Variants in CRYL1 observed in about 807,000 individuals in gnomAD.
The protein encoded by CRYL1 is crystallin lambda 1.
Under a neutral mutation model 36.6 loss-of-function variants are expected in CRYL1, and 29 were observed. The observed-to-expected ratio is 0.79, with a 90% CI of 0.59 to 1.08. The LOEUF (loss-of-function observed/expected upper bound fraction) is 1.08. CRYL1 is among the 50% of genes least tolerant of loss of function. CRYL1 has a pLI of 0.00. For synonymous variants in CRYL1, 152 were observed against 151.5 expected (o/e 1.00, Z -0.02); for missense variants, 411 against 407.9 (o/e 1.01, Z -0.06).
intron 3 of CRYL1, among the ~76,000 whole-genome samples, chr13:20,466,416 T>C (rs1336698005): frequency 6.6e-6 from 1 of 152,224 alleles, no homozygotes; most frequent in Admixed American, 6.5e-5. Flanking sequence ...GCATCTAAAA[T>C]TTTTAAAGAG....
At position 20,414,255 on chromosome 13, in the gene CRYL1, T is replaced by TTG. The variant is rs748950328; in HGVS notation, c.634-870_634-869dup. Among the ~76,000 whole-genome samples, 3,599 of 151,268 alleles carry TTG rather than the reference T, an allele frequency of 0.024. 158 individuals are homozygous for TTG. The highest frequency in any genetic ancestry group is 0.082 in the African/African-American group (3,341 of 40,842). On this transcript the variant is annotated intron_variant, in intron 5 of 7. Transcript: ENST00000298248. ...TATGTATACACTAAAAAGAGATTTT[T>TTG]TGTGTGTGTGTGTGTGTGTGTGAAA... is the stretch of plus-strand genomic sequence containing the variant.
chr13:20,445,580 C>T (rs1195265463), intron 3 of CRYL1, among the ~76,000 whole-genome samples: 1 of 152,132 alleles, frequency 6.6e-6, no homozygotes, highest in African/African-American at 2.4e-5. Flanking sequence ...TTTTCATAAG[C>T]AATGTCTCAT....
At chr13:20,484,378 G>C (rs1054166274) in intron 3 of CRYL1, among the ~76,000 whole-genome samples, 6 of 152,182 alleles carry the variant, frequency 3.9e-5, no homozygotes, top group African/African-American at 1.4e-4. Context: ...GGAATTCTTA[G>C]ACGGAAGCTT....
In CRYL1 at chr13:20,435,956, G is replaced by C. The variant is rs981671273; in HGVS notation, c.438+3637C>G. ...TCTCGGCGGCGCGCTCGCAGGGAGG[G>C]CTCAAAGGCAGCTCGGAGCGGCCGC... On this transcript the variant is annotated intron_variant, in intron 4 of 7. Transcript: ENST00000298248. This position sits in a 1 kb window ranked among gnomAD's most constrained non-coding sequence, Gnocchi z 4.0. 6.6e-6 allele frequency among the ~76,000 whole-genome samples: 1 copy of C among 152,236 alleles called. No individual in the cohort carries two copies. The highest frequency in any genetic ancestry group is 2.4e-5 in the African/African-American group (1 of 41,478).
Position 20,520,172 on chromosome 13 carries a change from A to G in CRYL1, c.41+5582T>C, listed in dbSNP as rs1412382700. Among the ~76,000 whole-genome samples the G allele has an allele frequency of 2.0e-5, 3 of 152,218 alleles. No individual in the cohort carries two copies. In the East Asian group the frequency reaches 5.8e-4, roughly 29 times the overall value. ...ACAGTTTGAAATGTTTCCCTAACAC[A>G]AAGTTAAGAGAGAGAATATGGATAG... On this transcript the variant is annotated intron_variant, in intron 1 of 7. Transcript: ENST00000298248.
Position 20,404,097 on chromosome 13 carries a change from A to G in CRYL1, c.*32T>C. Reference sequence around the variant, plus strand: ...GCAGTGTTCCCAAATAGGGCCTCCAATGAGAGGAGTGGAAGCTGCATTACA... The same window carrying G: ...GCAGTGTTCCCAAATAGGGCCTCCAGTGAGAGGAGTGGAAGCTGCATTACA... On this transcript the variant is annotated 3_prime_UTR_variant, in exon 8 of 8. Transcript: ENST00000298248. 2.0e-6 allele frequency: 3 copies of G among 1,469,346 alleles called. No individual in the cohort carries two copies. Among genetic ancestry groups the G allele is most frequent in the Non-Finnish European group, 2.9e-6 (3 of 1,048,090 alleles). The allele number at this position is 1,469,346 out of a possible 1,614,324, so 91.0% of individuals were successfully genotyped here.
chr13:20,497,648 T>C (rs2033635502), intron 2 of CRYL1, among the ~76,000 whole-genome samples: 1 of 141,560 alleles, frequency 7.1e-6, no homozygotes, highest in African/African-American at 2.7e-5. Flanking sequence ...CACCACCACA[T>C]ACACACACTA....
At chr13:20,424,704 C>A (rs1332589860) in intron 5 of CRYL1, among the ~76,000 whole-genome samples, 1 of 152,190 alleles carries the variant, frequency 6.6e-6, no homozygotes, top group East Asian at 1.9e-4. Flanking sequence ...ATTCCCCCAA[C>A]CCCCTGCAGA....
intron 3 of CRYL1, among the ~76,000 whole-genome samples, chr13:20,450,821 T>C (rs1326758981): frequency 6.6e-6 from 1 of 152,020 alleles, no homozygotes; most frequent in Non-Finnish European, 1.5e-5. Flanking sequence ...CAAATGTCCA[T>C]CAAGGATAGA....
intron 4 of CRYL1, among the ~76,000 whole-genome samples, chr13:20,436,138 G>A (rs2032210600): frequency 6.6e-6 from 1 of 152,176 alleles, no homozygotes; most frequent in Non-Finnish European, 1.5e-5. Context: ...AGGGGCGGGG[G>A]AGCGGGCTAA....
At chr13:20,496,650 C>T (rs890113873) in intron 2 of CRYL1, among the ~76,000 whole-genome samples, 1 of 147,452 alleles carries the variant, frequency 6.8e-6, no homozygotes. Flanking sequence ...GTGGCTTACA[C>T]CCATAATCCC....
At chr13:20,455,685 A>T (rs981179376) in intron 3 of CRYL1, among the ~76,000 whole-genome samples, 1 of 152,246 alleles carries the variant, frequency 6.6e-6, no homozygotes, top group African/African-American at 2.4e-5. Flanking sequence ...AACTTGATGT[A>T]CTGATTCACT....
chr13:20,508,884 A>AC (rs1174757777), intron 2 of CRYL1, among the ~76,000 whole-genome samples: 6 of 138,036 alleles, frequency 4.3e-5, no homozygotes, highest in African/African-American at 1.6e-4. Flanking sequence ...AACAAAAAAA[A>AC]AAAACTGACA....
chr13:20,508,670 C>A (rs999891072), intron 2 of CRYL1, among the ~76,000 whole-genome samples: 32 of 151,224 alleles, frequency 2.1e-4, no homozygotes, highest in Non-Finnish European at 4.7e-4. Flanking sequence ...CACAGTGAAA[C>A]CCCGTCTCTG....
chr13:20,449,753 T>C (rs890751659), intron 3 of CRYL1, among the ~76,000 whole-genome samples: 1 of 152,154 alleles, frequency 6.6e-6, no homozygotes, highest in Non-Finnish European at 1.5e-5. Flanking sequence ...AGTTTCAAGA[T>C]ACAAAATCAA....
In CRYL1 at chr13:20,481,406, A is replaced by G. The variant is rs1033954874; in HGVS notation, c.276+7964T>C. Among the ~76,000 whole-genome samples the G allele has an allele frequency of 1.3e-5, 2 of 152,302 alleles. No individual in the cohort carries two copies. The highest frequency in any genetic ancestry group is 2.9e-5 in the Non-Finnish European group (2 of 68,024). ...AGGCAAAACTATAGGGACAAAGAAC[A>G]GATCAGTGGTGGGCAAGGCCTGGGG... On this transcript the variant is annotated intron_variant, in intron 3 of 7. Coordinates refer to ENST00000298248, the MANE Select transcript of CRYL1 (RefSeq NM_015974.3). This position sits in a 1 kb window ranked among gnomAD's most constrained non-coding sequence, Gnocchi z 4.1.
chr13:20,489,168 C>T (rs567578354), intron 3 of CRYL1, among the ~76,000 whole-genome samples: 1 of 152,294 alleles, frequency 6.6e-6, no homozygotes, highest in South Asian at 2.1e-4. Context: ...TGAAACAGAA[C>T]ATTGTCACGC....
chr13:20,495,453 G>T (rs2033588449), intron 2 of CRYL1, among the ~76,000 whole-genome samples: 1 of 152,004 alleles, frequency 6.6e-6, no homozygotes, highest in African/African-American at 2.4e-5. Context: ...TTTTTTTAAT[G>T]TTTCTATCTT....
At chr13:20,502,840 T>C (rs531525272) in intron 2 of CRYL1, among the ~76,000 whole-genome samples, 1 of 152,332 alleles carries the variant, frequency 6.6e-6, no homozygotes, top group African/African-American at 2.4e-5. Flanking sequence ...CTGTTCACCT[T>C]GTTGGAAACC....
Sources: allele counts gnomAD v4.1 joint callset (sites outside exome capture counted in the v4.1 genomes callset), GRCh38; gene constraint gnomAD v4.1.1; non-coding constraint Gnocchi (gnomAD v3.1); transcripts MANE v1.5; gene names NCBI Gene and HGNC (gene_info 2026-07-23, HGNC 2026-07-21).